The following EHMT1 variants were observed in gnomAD, a reference collection of about 807,000 sequenced individuals.
EHMT1 encodes the protein histone-lysine N-methyltransferase EHMT1.
Under a neutral mutation model 147.2 loss-of-function variants are expected in EHMT1, and 15 were observed. That is an observed-to-expected ratio of 0.10 (90% CI 0.07 to 0.16). EHMT1 has a LOEUF of 0.16. Among genes scored for constraint, EHMT1 ranks in the 10% least tolerant of loss-of-function variants. The pLI is 1.00. For missense variants in EHMT1, 1,587 were observed against 1,772.4 expected (o/e 0.90, Z 1.88); for synonymous variants, 795 against 709.6 (o/e 1.12, Z -1.91).
intron 25 of EHMT1, among the ~76,000 whole-genome samples, chr9:137,822,007 C>T (rs1002391359): frequency 6.6e-6 from 1 of 152,136 alleles, no homozygotes; most frequent in African/African-American, 2.4e-5. Flanking sequence ...TTAGTTTTTA[C>T]AAATGTACAT....
chr9:137,803,388 C>G lies in EHMT1; in HGVS notation c.2712+2404C>G. ...GCGCTTCACAGCCATGCCCAGCCCACCCCTGCCACCCATTGCTGGGCTTTC... is the reference window on the plus strand; with the variant it reads ...GCGCTTCACAGCCATGCCCAGCCCAGCCCTGCCACCCATTGCTGGGCTTTC... On this transcript the variant is annotated intron_variant, in intron 18 of 26. Coordinates refer to ENST00000460843, the MANE Select transcript of EHMT1 (RefSeq NM_024757.5). 3 of 774,532 alleles carry G rather than the reference C, an allele frequency of 3.9e-6. No individual in the cohort carries two copies. The East Asian group carries it at 3.8e-4, about 98-fold the overall frequency. 48.0% of individuals were successfully genotyped at this position (774,532 alleles called of 1,614,324 possible).
intron 1 of EHMT1, among the ~76,000 whole-genome samples, chr9:137,694,808 G>A (rs1323471335): frequency 4.6e-5 from 7 of 152,238 alleles, no homozygotes; most frequent in Non-Finnish European, 8.8e-5. Flanking sequence ...CTCCTGGAAG[G>A]CAGGCCATCA....
intron 6 of EHMT1, among the ~76,000 whole-genome samples, chr9:137,750,856 G>GT (rs1242682726): frequency 6.6e-6 from 1 of 152,224 alleles, no homozygotes; most frequent in Non-Finnish European, 1.5e-5. Context: ...AAGGTCGATT[G>GT]TAAGACTGGG....
At position 137,782,547 on chromosome 9, in the gene EHMT1, C is replaced by T. The variant is rs897234447; in HGVS notation, c.2382+150C>T. The T allele has an allele frequency of 8.2e-6, 6 of 734,364 alleles. No individual in the cohort carries two copies. Among genetic ancestry groups the T allele is most frequent in the Non-Finnish European group, 1.4e-5 (6 of 425,614 alleles). 45.5% of individuals were successfully genotyped at this position (734,364 alleles called of 1,614,324 possible). The stretch of plus-strand genomic sequence containing the variant: ...AGAGTCAGCTTTTCTGCCCCCGAGT[C>T]CTGCAGGTGGATCAGTGCTTCCCGC... On this transcript the variant is annotated intron_variant, in intron 15 of 26. Coordinates refer to ENST00000460843, the MANE Select transcript of EHMT1 (RefSeq NM_024757.5). The surrounding 1 kb of genome is among the most constrained non-coding windows in gnomAD (Gnocchi z 5.7).
chr9:137,693,054 G>C (rs1943077278), intron 1 of EHMT1, among the ~76,000 whole-genome samples: 1 of 152,188 alleles, frequency 6.6e-6, no homozygotes, highest in African/African-American at 2.4e-5. Context: ...GAGGTTTTCA[G>C]CATGGCAATA....
chr9:137,668,730 TTTC>T (rs1194139043), intron 1 of EHMT1, among the ~76,000 whole-genome samples: 1 of 114,130 alleles, frequency 8.8e-6, no homozygotes, highest in African/African-American at 5.2e-5. Flanking sequence ...AACTTAGTGT[TTTC>T]TTTTTTTTTT....
chr9:137,781,477 C>T (rs1366821135), intron 14 of EHMT1, among the ~76,000 whole-genome samples: 2 of 152,026 alleles, frequency 1.3e-5, no homozygotes, highest in Admixed American at 6.5e-5. Flanking sequence ...GTGGTCATGA[C>T]GCTGGAATGT....
At chr9:137,806,967 G>A (rs946078183) in intron 18 of EHMT1, among the ~76,000 whole-genome samples, 1 of 152,096 alleles carries the variant, frequency 6.6e-6, no homozygotes, top group African/African-American at 2.4e-5. Flanking sequence ...GTATCTCTTG[G>A]TTTTAGCAAT....
At chr9:137,631,541 T>G (rs1314258781) in intron 1 of EHMT1, among the ~76,000 whole-genome samples, 1 of 152,176 alleles carries the variant, frequency 6.6e-6, no homozygotes, top group African/African-American at 2.4e-5. Context: ...TAAGGACATT[T>G]TGGTCCGTGG....
intron 16 of EHMT1, among the ~76,000 whole-genome samples, chr9:137,795,637 GTTTGT>G (rs1339590302): frequency 1.3e-5 from 2 of 151,310 alleles, no homozygotes; most frequent in African/African-American, 4.9e-5. Flanking sequence ...TTGTTTGTTT[GTTTGT>G]TTTTAACCTC....
At chr9:137,807,169 G>A (rs1396332741) in intron 18 of EHMT1, among the ~76,000 whole-genome samples, 1 of 152,224 alleles carries the variant, frequency 6.6e-6, no homozygotes, top group African/African-American at 2.4e-5. Context: ...ACGCTTTCCA[G>A]TATTCCAGCT....
intron 9 of EHMT1, among the ~76,000 whole-genome samples, 185 bp downstream of exon 9, chr9:137,758,196 A>G (rs1050314155): frequency 6.6e-6 from 1 of 152,198 alleles, no homozygotes; most frequent in East Asian, 1.9e-4. Context: ...TCAAGTGAAG[A>G]AAGAGACATT....
intron 9 of EHMT1, among the ~76,000 whole-genome samples, chr9:137,760,203 C>T: frequency 6.6e-6 from 1 of 152,104 alleles, no homozygotes; most frequent in Non-Finnish European, 1.5e-5. Flanking sequence ...CGTTTGATGT[C>T]CCTGGTAGTT....
At chr9:137,805,178 G>A (rs1227620563) in intron 18 of EHMT1, among the ~76,000 whole-genome samples, 5 of 151,424 alleles carry the variant, frequency 3.3e-5, no homozygotes, top group Admixed American at 6.6e-5. Flanking sequence ...ATTCGTCCAC[G>A]TGTGAGTCGT....
At chr9:137,645,920 T>C (rs1844849672) in intron 1 of EHMT1, among the ~76,000 whole-genome samples, 1 of 152,180 alleles carries the variant, frequency 6.6e-6, no homozygotes, top group Non-Finnish European at 1.5e-5. Context: ...TTTGGATCTA[T>C]ACTGAGTTAA....
intron 1 of EHMT1, among the ~76,000 whole-genome samples, chr9:137,664,689 A>T (rs1371005882): frequency 6.6e-6 from 1 of 151,364 alleles, no homozygotes; most frequent in Non-Finnish European, 1.5e-5. Flanking sequence ...TATTTCCCTT[A>T]GTTTGCCTTC....
intron 4 of EHMT1, among the ~76,000 whole-genome samples, chr9:137,733,870 A>G (rs1213739594): frequency 6.6e-6 from 1 of 152,248 alleles, no homozygotes; most frequent in Non-Finnish European, 1.5e-5. Flanking sequence ...AGGGAAAGGC[A>G]CAGGCTAAGG....
chr9:137,727,572 G>A (rs542358737), intron 3 of EHMT1, among the ~76,000 whole-genome samples: 24 of 152,256 alleles, frequency 1.6e-4, no homozygotes, highest in African/African-American at 4.6e-4. Context: ...TTTTTACTGT[G>A]TATTTTTACT....
At chr9:137,798,231 C>T (rs1953125848) in intron 16 of EHMT1, among the ~76,000 whole-genome samples, 2 of 152,062 alleles carry the variant, frequency 1.3e-5, no homozygotes, top group African/African-American at 4.8e-5. Flanking sequence ...AAGACCCTGT[C>T]TCTAGGAAAG....
Sources: allele counts gnomAD v4.1 joint callset (sites outside exome capture counted in the v4.1 genomes callset), GRCh38; gene constraint gnomAD v4.1.1; non-coding constraint Gnocchi (gnomAD v3.1); transcripts MANE v1.5; gene names NCBI Gene and HGNC (gene_info 2026-07-23, HGNC 2026-07-21).